PXK: variants seen among roughly 807,000 people sequenced by gnomAD.
PXK encodes the protein PX domain-containing protein kinase-like protein.
PXK carries 35 observed loss-of-function variants against 84.7 expected under a neutral mutation model. The ratio of observed to expected loss-of-function variants is 0.41; its 90% CI spans 0.32 to 0.55. The LOEUF (loss-of-function observed/expected upper bound fraction) is 0.55, where lower values mean the gene tolerates loss of function less well. Ranked by LOEUF, PXK falls within the 20% of genes least tolerant of loss-of-function variation. The probability of loss-of-function intolerance (pLI) is 0.21; values close to 1 mark genes in which losing one functional copy is unlikely to be tolerated. For missense variants in PXK, 634 were observed against 699.7 expected (o/e 0.91, Z 1.06); for synonymous variants, 253 against 260.8 (o/e 0.97, Z 0.29).
intron 13 of PXK, among the ~76,000 whole-genome samples, chr3:58,404,508 T>A (rs2059093915): frequency 6.6e-6 from 1 of 152,124 alleles, no homozygotes; most frequent in Non-Finnish European, 1.5e-5. Flanking sequence ...TTGCTAAATG[T>A]CTCCTGGGGG....
intron 1 of PXK, among the ~76,000 whole-genome samples, chr3:58,362,240 A>G (rs1179423664): frequency 1.3e-5 from 2 of 152,232 alleles, no homozygotes; most frequent in African/African-American, 4.8e-5. Context: ...TCCCTTACAT[A>G]GATCATGCTT....
At position 58,394,948 on chromosome 3, in the gene PXK, G is replaced by A. The variant is rs746411434; in HGVS notation, c.616-50G>A. 2.8e-5 allele frequency: 39 copies of A among 1,398,646 alleles called. No individual in the cohort carries two copies. The Admixed American group carries it at 3.0e-4, about 11-fold the overall frequency. 86.6% of individuals were successfully genotyped at this position (1,398,646 alleles called of 1,614,324 possible). A position where few individuals can be genotyped will look rare whatever the true frequency, so the allele number is the denominator to read the frequency against. On this transcript the variant is annotated intron_variant, in intron 7 of 17. Transcript: ENST00000356151. ...CATAACCAGATCCTGTATTTAAAAG[G>A]ACCTAGATCCTGACGCAAATCAATG...
chr3:58,335,807 G>A (rs919817249), intron 1 of PXK, among the ~76,000 whole-genome samples: 2 of 151,892 alleles, frequency 1.3e-5, no homozygotes, highest in Non-Finnish European at 2.9e-5. Flanking sequence ...TTTGTCATCT[G>A]TAAATGGGAG....
intron 7 of PXK, among the ~76,000 whole-genome samples, chr3:58,392,956 G>A (rs952099119): frequency 2.6e-5 from 4 of 151,854 alleles, no homozygotes; most frequent in African/African-American, 7.3e-5. Flanking sequence ...CACCGCACCC[G>A]GCCCTAAATT....
chr3:58,399,637 C>T lies in PXK; in HGVS notation c.1181+260C>T, dbSNP rs576792707. On this transcript the variant is annotated intron_variant, in intron 12 of 17. Transcript: ENST00000356151. The surrounding 1 kb of genome is among the most constrained non-coding windows in gnomAD (Gnocchi z 4.3). ...TCACTCAGCGTTAGCATTGTGTGTA[C>T]GTACATTAGCATTGGGTGTGCGTAT... is the stretch of plus-strand genomic sequence containing the variant. Among the ~76,000 whole-genome samples, 3 of 152,234 alleles carry T rather than the reference C, an allele frequency of 2.0e-5. No individual in the cohort carries two copies. The highest frequency in any genetic ancestry group is 3.9e-4 in the East Asian group (2 of 5,166).
chr3:58,423,923 C>A (rs1437445492), intron 17 of PXK, among the ~76,000 whole-genome samples: 3 of 152,216 alleles, frequency 2.0e-5, no homozygotes, highest in African/African-American at 7.2e-5. Flanking sequence ...TGCCCAGTTT[C>A]CCTCTCCTTG....
chr3:58,365,900 A>T lies in PXK; in HGVS notation c.129A>T (p.Gly43=), dbSNP rs753919754. 1 of 1,579,106 alleles carries T rather than the reference A, an allele frequency of 6.3e-7. No homozygotes were observed. Among genetic ancestry groups the T allele is most frequent in the Non-Finnish European group, 8.6e-7 (1 of 1,166,766 alleles). ...HTEYIIRVQR[G]ISVENSWQIV... Reference sequence around the variant, plus strand: ...AATATATTATTCGAGTGCAAAGAGGAATTTCTGTGGAAAACAGCTGGCAGG... The same window carrying T: ...AATATATTATTCGAGTGCAAAGAGGTATTTCTGTGGAAAACAGCTGGCAGG... The change falls in exon 2 of 18, where the codon GGA becomes GGT. Residue 43 remains glycine, a synonymous_variant. Transcript: ENST00000356151.
intron 2 of PXK, among the ~76,000 whole-genome samples, chr3:58,368,599 G>A (rs1576127835): frequency 6.6e-6 from 1 of 152,220 alleles, no homozygotes; most frequent in South Asian, 2.1e-4. Flanking sequence ...TGGGATTACA[G>A]TCACAAGCCA....
At chr3:58,373,367 G>A (rs921375126) in intron 3 of PXK, among the ~76,000 whole-genome samples, 5 of 152,286 alleles carry the variant, frequency 3.3e-5, no homozygotes, top group East Asian at 1.9e-4. Context: ...GAGCCACAGC[G>A]CCTGGCCGAG....
intron 13 of PXK, 76 bp downstream of exon 13, chr3:58,403,986 A>AAAAAAG (rs544587230): frequency 2.8e-6 from 3 of 1,074,532 alleles, no homozygotes; most frequent in Non-Finnish European, 3.9e-6. Context: ...TTTTTAGCCA[A>AAAAAAG]AAAAAGAAAA....
At chr3:58,351,689 GA>G (rs368597861) in intron 1 of PXK, among the ~76,000 whole-genome samples, 2,243 of 148,766 alleles carry the variant, frequency 0.015, 62 homozygotes, top group African/African-American at 0.051. Flanking sequence ...AAAAACGTAG[GA>G]AAAAAAAAAT....
chr3:58,332,957 G>A lies in PXK; in HGVS notation c.-32G>A, dbSNP rs1373788860. The stretch of plus-strand genomic sequence containing the variant: ...TCGGCGCCTCGGGTTCCTACCTCGC[G>A]TCCCTAGGCGGCGGCGGCCGGGCGT... On this transcript the variant is annotated 5_prime_UTR_variant, in exon 1 of 18. Coordinates refer to ENST00000356151, the MANE Select transcript of PXK (RefSeq NM_017771.5). This position sits in a 1 kb window ranked among gnomAD's most constrained non-coding sequence, Gnocchi z 5.6. 2 of 1,320,170 alleles carry A rather than the reference G, an allele frequency of 1.5e-6. No individual in the cohort carries two copies. The highest frequency in any genetic ancestry group is 1.6e-5 in the African/African-American group (1 of 64,208). 81.8% of individuals were successfully genotyped at this position (1,320,170 alleles called of 1,614,324 possible).
chr3:58,377,705 G>A (rs62258078), intron 3 of PXK, among the ~76,000 whole-genome samples: 44,426 of 151,660 alleles, frequency 0.29, 7,271 homozygotes, highest in Middle Eastern at 0.39. Context: ...TCTCCCTCCC[G>A]AAATCAGTCT....
chr3:58,382,778 G>T, intron 4 of PXK, 78 bp downstream of exon 4: 1 of 1,128,846 alleles, frequency 8.9e-7, no homozygotes, highest in East Asian at 2.8e-5. Context: ...GTATGTGGGA[G>T]AAATGTTTTC....
Position 58,390,335 on chromosome 3 carries a change from A to G in PXK, c.389-247A>G, listed in dbSNP as rs762743800. Among the ~76,000 whole-genome samples the G allele has an allele frequency of 1.5e-4, 23 of 152,156 alleles. No homozygotes were observed. The highest frequency in any genetic ancestry group is 2.4e-4 in the Non-Finnish European group (16 of 68,028). On this transcript the variant is annotated intron_variant, in intron 4 of 17. Coordinates refer to ENST00000356151, the MANE Select transcript of PXK (RefSeq NM_017771.5). The surrounding 1 kb of genome is among the most constrained non-coding windows in gnomAD (Gnocchi z 4.2). ...AATATTAGTAATGTTACTATTAACT[A>G]TGGGCTTTATTCAGATTTTACCAGT...
chr3:58,371,796 G>A (rs1170230177), intron 3 of PXK, among the ~76,000 whole-genome samples: 1 of 152,130 alleles, frequency 6.6e-6, no homozygotes, highest in African/African-American at 2.4e-5. Context: ...TATTGATGTT[G>A]GCTTATGTTG....
At chr3:58,378,493 T>TAA (rs2098463251) in intron 3 of PXK, among the ~76,000 whole-genome samples, 1 of 32,904 alleles carries the variant, frequency 3.0e-5, no homozygotes, top group African/African-American at 1.1e-4. Context: ...ATTTTTCTTC[T>TAA]TTTTTTTTTT....
chr3:58,338,695 T>C (rs1488102965), intron 1 of PXK, among the ~76,000 whole-genome samples: 18 of 151,854 alleles, frequency 1.2e-4, no homozygotes, highest in Non-Finnish European at 2.1e-4. Context: ...TTTTTCTTTT[T>C]TTTTTTTTTA....
intron 2 of PXK, among the ~76,000 whole-genome samples, chr3:58,367,517 T>G (rs2098292790): frequency 6.6e-6 from 1 of 152,072 alleles, no homozygotes; most frequent in Non-Finnish European, 1.5e-5. Context: ...AGTGTTGGGA[T>G]TACAGATGTG....
Sources: gnomAD v4.1 joint callset for allele counts (sites outside exome capture counted in the v4.1 genomes callset) on GRCh38, gnomAD v4.1.1 for gene constraint, Gnocchi (gnomAD v3.1) non-coding constraint, MANE v1.5 for transcripts, NCBI Gene and HGNC (gene_info 2026-07-23, HGNC 2026-07-21) for gene names.